ZC3H6: variants seen among roughly 807,000 people sequenced by gnomAD.
The protein encoded by ZC3H6 is zinc finger CCCH-type containing 6.
In ZC3H6, 40 loss-of-function variants were observed where a neutral mutation model predicts 107.7. That is an observed-to-expected ratio of 0.37 (90% CI 0.29 to 0.48). The LOEUF is 0.48. Ranked by LOEUF, ZC3H6 falls within the 20% of genes least tolerant of loss-of-function variation. ZC3H6 has a pLI of 0.98. For missense variants in ZC3H6, 1,267 were observed against 1,410.4 expected, an observed-to-expected ratio of 0.90 and a Z score of 1.63; for synonymous variants, 493 against 487.9, an observed-to-expected ratio of 1.01 and a Z score of -0.14.
intron 7 of ZC3H6, among the ~76,000 whole-genome samples, chr2:112,321,150 T>C (rs1315592874): frequency 6.6e-6 from 1 of 152,056 alleles, no homozygotes; most frequent in African/African-American, 2.4e-5. Context: ...TACTTCTAGA[T>C]TTAATATTTT....
rs1677160484 is a variant in ZC3H6, at chr2:112,337,839, C to T, written c.*5351C>T. The T allele has an allele frequency of 6.6e-6, 1 of 152,200 alleles. No individual in the cohort carries two copies. Among genetic ancestry groups the T allele is most frequent in the African/African-American group, 2.4e-5 (1 of 41,412 alleles). The allele number at this position is 152,200 out of a possible 1,614,324, so 9.4% of individuals were successfully genotyped here. ...GTTTGACCATGTTGGCCAAGCTGAT[C>T]TTGAACTCCTGGCCTCAAGTGATCC... On this transcript the variant is annotated 3_prime_UTR_variant, in exon 12 of 12. Transcript: ENST00000409871.
chr2:112,285,688 G>C (rs557362930), intron 1 of ZC3H6, among the ~76,000 whole-genome samples: 1 of 152,260 alleles, frequency 6.6e-6, no homozygotes, highest in East Asian at 1.9e-4. Context: ...CTCGGGCCGT[G>C]TGTGGTGGCT....
rs1251270173 is a variant in ZC3H6 at position 112,303,099 on chromosome 2, G to A, written c.214-130G>A. ...CCTTTGGGGCAAGAATTTTTCAGTAGTACTTCAGAGTCTCCTGGAATAATA... is the reference window on the plus strand; with the variant it reads ...CCTTTGGGGCAAGAATTTTTCAGTAATACTTCAGAGTCTCCTGGAATAATA... On this transcript the variant is annotated intron_variant, in intron 2 of 11. Transcript: ENST00000409871. The A allele has an allele frequency of 5.1e-6, 6 of 1,172,766 alleles. No individual in the cohort carries two copies. In the South Asian group the frequency reaches 8.8e-5, roughly 17 times the overall value. The allele number at this position is 1,172,766 out of a possible 1,614,324, so 72.6% of individuals were successfully genotyped here.
intron 11 of ZC3H6, among the ~76,000 whole-genome samples, chr2:112,326,786 T>C (rs371236643): frequency 2.0e-4 from 30 of 152,112 alleles, no homozygotes; most frequent in African/African-American, 7.0e-4. Flanking sequence ...CTAATTTTTA[T>C]ATTTTTAGTA....
rs1677123432 is a variant in ZC3H6 at position 112,335,527 on chromosome 2, A to G, written c.*3039A>G. On this transcript the variant is annotated 3_prime_UTR_variant, in exon 12 of 12. Coordinates refer to ENST00000409871, the MANE Select transcript of ZC3H6 (RefSeq NM_198581.3). ...TTCTGTGTAATTTATATCAGTATCT[A>G]GTTGCTTATCTGTGAAATTGGGTTA... is the stretch of plus-strand genomic sequence containing the variant. The G allele has an allele frequency of 6.6e-6, 1 of 152,096 alleles. No homozygotes were observed. Among genetic ancestry groups the G allele is most frequent in the African/African-American group, 2.4e-5 (1 of 41,404 alleles). The allele number at this position is 152,096 out of a possible 1,614,324, so 9.4% of individuals were successfully genotyped here.
At chr2:112,314,621 C>T (rs2104715587) in intron 5 of ZC3H6, among the ~76,000 whole-genome samples, 1 of 151,982 alleles carries the variant, frequency 6.6e-6, no homozygotes, top group Non-Finnish European at 1.5e-5. Context: ...GAGTTATATT[C>T]CTCAGGTTGC....
At chr2:112,288,326 C>T (rs1299412079) in intron 1 of ZC3H6, among the ~76,000 whole-genome samples, 4 of 152,086 alleles carry the variant, frequency 2.6e-5, no homozygotes, top group African/African-American at 4.8e-5. Flanking sequence ...CAGTTCATTT[C>T]TGTGGAAGTA....
Position 112,324,176 on chromosome 2 carries a change from C to T in ZC3H6, c.1365C>T (p.Ala455=). The T allele has an allele frequency of 6.3e-7, 1 of 1,586,416 alleles. No individual in the cohort carries two copies. Among genetic ancestry groups the T allele is most frequent in the Non-Finnish European group, 8.6e-7 (1 of 1,158,822 alleles). Reference sequence around the variant, plus strand: ...GGCCACCAGCATTTTATACCAGTGCCTCACCACCAGGACCACAATTTCAGG... The same window carrying T: ...GGCCACCAGCATTTTATACCAGTGCTTCACCACCAGGACCACAATTTCAGG... ...GRKPPAFYTS[A]SPPGPQFQGS... is the part of the protein sequence containing the mutation. The change falls in exon 10 of 12, where the codon GCC becomes GCT. Residue 455 remains alanine, a synonymous_variant. Coordinates refer to ENST00000409871, the MANE Select transcript of ZC3H6 (RefSeq NM_198581.3).
chr2:112,290,374 T>C (rs1172102271), intron 1 of ZC3H6, among the ~76,000 whole-genome samples: 4 of 152,284 alleles, frequency 2.6e-5, no homozygotes, highest in Non-Finnish European at 5.9e-5. Flanking sequence ...GGCAGACTCC[T>C]CATCTCAGTT....
rs764149146 is a variant in ZC3H6, at chr2:112,317,204, T to TC, written c.865-17_865-16insC. Reference sequence around the variant, plus strand: ...TTACCTTTTTTTCTTTTTTCTTTTTTTTTTTTTTGTGAATAGGGAGATCAG... The same window carrying TC: ...TTACCTTTTTTTCTTTTTTCTTTTTTCTTTTTTTTGTGAATAGGGAGATCAG... On this transcript the variant is annotated splice_polypyrimidine_tract_variant and intron_variant, in intron 6 of 11. Coordinates refer to ENST00000409871, the MANE Select transcript of ZC3H6 (RefSeq NM_198581.3). 25 of 1,349,510 alleles carry TC rather than the reference T, an allele frequency of 1.9e-5. No individual in the cohort carries two copies. The East Asian group carries it at 4.1e-4, about 22-fold the overall frequency. The allele number at this position is 1,349,510 out of a possible 1,614,324, so 83.6% of individuals were successfully genotyped here.
chr2:112,322,651 G>A lies in ZC3H6; in HGVS notation c.1089G>A (p.Val363=). 1 of 1,597,096 alleles carries A rather than the reference G, an allele frequency of 6.3e-7. No homozygotes were observed. Among genetic ancestry groups the A allele is most frequent in the Non-Finnish European group, 8.5e-7 (1 of 1,175,528 alleles). ...TKETKKLLDK[V]LNTDEELINE... ...TAATCTTTGCCAATTATTTTTAGGT[G>A]TTGAATACTGATGAAGAACTCATAA... The change falls in exon 9 of 12, where the codon GTG becomes GTA. Residue 363 remains valine, a splice_region_variant and synonymous_variant. Transcript: ENST00000409871.
Position 112,311,863 on chromosome 2 carries a change from A to G in ZC3H6, c.673A>G (p.Ile225Val). ...TCGTGGACGTGGCTTGCCGAAGAAA[A>G]TCAAACGAAAAGAACGTGGGGGAAG... ...VGRGRGLPKK[I>V]KRKERGGRTN... Residue 225 changes from isoleucine to valine, a missense_variant, in exon 5 of 12, where the codon ATC becomes GTC. Coordinates refer to ENST00000409871, the MANE Select transcript of ZC3H6 (RefSeq NM_198581.3). 6.2e-7 allele frequency: 1 copy of G among 1,613,700 alleles called. No homozygotes were observed. The highest frequency in any genetic ancestry group is 8.5e-7 in the Non-Finnish European group (1 of 1,179,710).
intron 2 of ZC3H6, among the ~76,000 whole-genome samples, chr2:112,301,932 TA>T (rs1676386565): frequency 6.6e-6 from 1 of 151,902 alleles, no homozygotes; most frequent in South Asian, 2.1e-4. Context: ...ATTCAAATCA[TA>T]AGAAATTTAT....
At chr2:112,326,771 C>T (rs1016307685) in intron 11 of ZC3H6, among the ~76,000 whole-genome samples, 3 of 152,092 alleles carry the variant, frequency 2.0e-5, no homozygotes, top group Admixed American at 6.5e-5. Flanking sequence ...CACCACCATG[C>T]CCAGCTAATT....
intron 1 of ZC3H6, among the ~76,000 whole-genome samples, chr2:112,283,817 A>G (rs942803072): frequency 6.6e-6 from 1 of 152,216 alleles, no homozygotes; most frequent in African/African-American, 2.4e-5. Context: ...TTGGGCATTT[A>G]TAAATGTTTT....
intron 3 of ZC3H6, among the ~76,000 whole-genome samples, chr2:112,308,255 T>C (rs1421058050): frequency 6.6e-6 from 1 of 152,090 alleles, no homozygotes; most frequent in Admixed American, 6.5e-5. Flanking sequence ...ATAGTGTTTT[T>C]AAAATTTAAA....
intron 11 of ZC3H6, 30 bp from the exon 12 acceptor site, chr2:112,330,975 A>G: frequency 8.4e-7 from 1 of 1,183,572 alleles, no homozygotes; most frequent in Non-Finnish European, 1.1e-6. Flanking sequence ...TATAATATAA[A>G]GTTTATAATA....
intron 7 of ZC3H6, among the ~76,000 whole-genome samples, 199 bp downstream of exon 7, chr2:112,317,531 A>C (rs1676722051): frequency 1.3e-5 from 2 of 152,176 alleles, no homozygotes; most frequent in Non-Finnish European, 2.9e-5. Flanking sequence ...AAATGAGATA[A>C]CTGCCCTTTG....
At chr2:112,281,414 T>C (rs1452592584) in intron 1 of ZC3H6, among the ~76,000 whole-genome samples, 2 of 152,136 alleles carry the variant, frequency 1.3e-5, no homozygotes, top group Non-Finnish European at 2.9e-5. Context: ...GGATCCTCTA[T>C]GGTATATGGT....
Sources: allele counts gnomAD v4.1 joint callset (sites outside exome capture counted in the v4.1 genomes callset), GRCh38; gene constraint gnomAD v4.1.1; transcripts MANE v1.5; gene names NCBI Gene and HGNC (gene_info 2026-07-23, HGNC 2026-07-21).